Variants in EPB41L4A observed in about 807,000 individuals in gnomAD.
The protein encoded by EPB41L4A is band 4.1-like protein 4A.
EPB41L4A carries 100 observed loss-of-function variants against 108.6 expected under a neutral mutation model. The ratio of observed to expected loss-of-function variants is 0.92; its 90% CI spans 0.78 to 1.09. The LOEUF (loss-of-function observed/expected upper bound fraction) is 1.09. EPB41L4A is among the 50% of genes least tolerant of loss of function. The probability of loss-of-function intolerance (pLI) is 0.00; values close to 1 mark genes in which losing one functional copy is unlikely to be tolerated. For synonymous variants in EPB41L4A, 319 were observed against 289.0 expected (o/e 1.10, Z -1.05); for missense variants, 1,030 against 842.7 (o/e 1.22, Z -2.75).
intron 12 of EPB41L4A, among the ~76,000 whole-genome samples, chr5:112,215,030 A>G (rs1019238568): frequency 6.6e-6 from 1 of 152,254 alleles, no homozygotes; most frequent in African/African-American, 2.4e-5. Flanking sequence ...CATGGCTGCC[A>G]GAACAGTGCA....
intron 15 of EPB41L4A, among the ~76,000 whole-genome samples, chr5:112,202,313 T>C (rs1230867329): frequency 1.3e-5 from 2 of 152,062 alleles, no homozygotes; most frequent in Non-Finnish European, 2.9e-5. Flanking sequence ...CGGCTTCTGG[T>C]CTCCAGGTAA....
At chr5:112,172,503 C>A (rs892876492) in intron 18 of EPB41L4A, among the ~76,000 whole-genome samples, 5 of 148,418 alleles carry the variant, frequency 3.4e-5, no homozygotes, top group Admixed American at 6.6e-5. Context: ...CAGAATGAGA[C>A]CCTGTGCCAA....
At chr5:112,327,558 A>T (rs1756255484) in intron 1 of EPB41L4A, among the ~76,000 whole-genome samples, 1 of 152,096 alleles carries the variant, frequency 6.6e-6, no homozygotes. Flanking sequence ...TCTACAAAAA[A>T]TTTAAAAATT....
intron 1 of EPB41L4A, among the ~76,000 whole-genome samples, chr5:112,361,146 A>G (rs1758724160): frequency 6.6e-6 from 1 of 152,230 alleles, no homozygotes; most frequent in African/African-American, 2.4e-5. Flanking sequence ...AGAAGTAGAC[A>G]TAGGAGACTC....
chr5:112,326,394 C>T (rs945123980), intron 1 of EPB41L4A, among the ~76,000 whole-genome samples: 2 of 152,054 alleles, frequency 1.3e-5, no homozygotes, highest in African/African-American at 4.8e-5. Context: ...AAACTGGGCC[C>T]TCCCAGTTTC....
chr5:112,183,925 G>C, intron 18 of EPB41L4A, 91 bp downstream of exon 18: 2 of 1,446,098 alleles, frequency 1.4e-6, no homozygotes, highest in Non-Finnish European at 1.9e-6. Flanking sequence ...AATAATCCTA[G>C]TTGAACTAAA....
intron 9 of EPB41L4A, among the ~76,000 whole-genome samples, chr5:112,247,070 G>A (rs1261270290): frequency 6.6e-6 from 1 of 152,198 alleles, no homozygotes; most frequent in Non-Finnish European, 1.5e-5. Context: ...ATTCTATGAT[G>A]TATACACAAT....
At chr5:112,305,536 C>G (rs1754631914) in intron 2 of EPB41L4A, among the ~76,000 whole-genome samples, 1 of 151,878 alleles carries the variant, frequency 6.6e-6, no homozygotes, top group Non-Finnish European at 1.5e-5. Context: ...TTTTTTAAAT[C>G]CTTATTTGTT....
chr5:112,147,981 G>A (rs113641805), intron 12 of EPB41L4A, among the ~76,000 whole-genome samples: 10,030 of 151,354 alleles, frequency 0.066, 901 homozygotes, highest in African/African-American at 0.2. Context: ...GGAGGCTGCA[G>A]TGAGCTGAGA....
chr5:112,159,657 G>T (rs1470990159), downstream of EPB41L4A, among the ~76,000 whole-genome samples: 1 of 152,096 alleles, frequency 6.6e-6, no homozygotes, highest in Non-Finnish European at 1.5e-5. Flanking sequence ...TTGCATAACC[G>T]CCTTCACACA....
intron 17 of EPB41L4A, among the ~76,000 whole-genome samples, chr5:112,186,827 T>C (rs2150243195): frequency 6.6e-6 from 1 of 152,312 alleles, no homozygotes; most frequent in East Asian, 1.9e-4. Flanking sequence ...CAGGTGCTAC[T>C]TGGAAAGAAA....
intron 18 of EPB41L4A, 37 bp downstream of exon 18, chr5:112,183,979 G>T: frequency 6.2e-7 from 1 of 1,611,520 alleles, no homozygotes. Flanking sequence ...TTCAAATTCA[G>T]TGTTTTTGAA....
intron 1 of EPB41L4A, among the ~76,000 whole-genome samples, chr5:112,333,253 T>C (rs917536751): frequency 5.3e-5 from 8 of 151,476 alleles, no homozygotes; most frequent in African/African-American, 1.5e-4. Flanking sequence ...AATTCCTTTC[T>C]GCTGGCCCTC....
intron 1 of EPB41L4A, among the ~76,000 whole-genome samples, chr5:112,315,783 C>CA (rs1180433611): frequency 1.3e-4 from 20 of 150,328 alleles, no homozygotes; most frequent in South Asian, 4.2e-4. Context: ...AAAGATTATG[C>CA]AAAAAAAATC....
At chr5:112,336,508 C>T (rs916338691) in intron 1 of EPB41L4A, among the ~76,000 whole-genome samples, 2 of 152,174 alleles carry the variant, frequency 1.3e-5, no homozygotes, top group Non-Finnish European at 2.9e-5. Flanking sequence ...ACCCTGTACA[C>T]ATTATACTGT....
At chr5:112,398,373 G>C (rs981984064) in intron 1 of EPB41L4A, among the ~76,000 whole-genome samples, 1 of 151,954 alleles carries the variant, frequency 6.6e-6, no homozygotes, top group Non-Finnish European at 1.5e-5. Flanking sequence ...TGCTTCTTTA[G>C]AATGTGGGGT....
intron 1 of EPB41L4A, among the ~76,000 whole-genome samples, chr5:112,355,608 T>C (rs969628416): frequency 6.6e-6 from 1 of 152,136 alleles, no homozygotes; most frequent in Non-Finnish European, 1.5e-5. Context: ...TGGAAAACAA[T>C]ACTCTTCCGA....
intron 1 of EPB41L4A, among the ~76,000 whole-genome samples, chr5:112,417,264 T>C (rs535873916): frequency 6.6e-6 from 1 of 152,362 alleles, no homozygotes; most frequent in East Asian, 1.9e-4. Context: ...TCCCAAGTCC[T>C]GGCTGCTCTC....
Position 112,310,397 on chromosome 5 carries a change from T to C in EPB41L4A, c.100-2907A>G, listed in dbSNP as rs75736028. On this transcript the variant is annotated intron_variant, in intron 1 of 22. Coordinates refer to ENST00000261486, the MANE Select transcript of EPB41L4A (RefSeq NM_022140.5). ...ATTTATTTCTTCTTTTCTTACTGCA[T>C]TGGCTGGGACCTCAATAAAAGAATA... 8.1e-3 allele frequency among the ~76,000 whole-genome samples: 1,239 copies of C among 152,324 alleles called. 17 individuals are homozygous for C. The highest frequency in any genetic ancestry group is 0.028 in the African/African-American group (1,170 of 41,566).
Sources: gnomAD v4.1 joint callset for allele counts (sites outside exome capture counted in the v4.1 genomes callset) on GRCh38, gnomAD v4.1.1 for gene constraint, MANE v1.5 for transcripts, NCBI Gene and HGNC (gene_info 2026-07-23, HGNC 2026-07-21) for gene names.